Variants in FHIT observed in about 807,000 individuals in gnomAD.
FHIT encodes bis(5'-adenosyl)-triphosphatase.
In FHIT, 19 loss-of-function variants were observed where a neutral mutation model predicts 17.9. The ratio of observed to expected loss-of-function variants is 1.06; its 90% confidence interval spans 0.74 to 1.56. The LOEUF (loss-of-function observed/expected upper bound fraction) is 1.56, where lower values mean the gene tolerates loss of function less well. Among genes scored for constraint, FHIT ranks in the 40% most tolerant of loss-of-function variants. The probability of loss-of-function intolerance (pLI) is 0.00; values close to 1 mark genes in which losing one functional copy is unlikely to be tolerated. For synonymous variants in FHIT, 81 were observed against 69.7 expected (o/e 1.16, Z -0.81); for missense variants, 248 against 189.2 (o/e 1.31, Z -1.82).
chr3:60,323,468 A>C (rs924135530), intron 5 of FHIT, among the ~76,000 whole-genome samples: 3 of 152,206 alleles, frequency 2.0e-5, no homozygotes, highest in Admixed American at 6.5e-5. Context: ...CAGAACATGG[A>C]AAATGAAGCC....
intron 5 of FHIT, among the ~76,000 whole-genome samples, chr3:60,084,395 A>C (rs1403053720): frequency 6.6e-6 from 1 of 152,066 alleles, no homozygotes; most frequent in Non-Finnish European, 1.5e-5. Flanking sequence ...TCAAGCAATC[A>C]CTCATTCGTT....
chr3:60,599,201 T>C (rs193268432), intron 4 of FHIT, among the ~76,000 whole-genome samples: 179 of 152,182 alleles, frequency 1.2e-3, no homozygotes, highest in Admixed American at 0.01. Flanking sequence ...ATAACTTGCA[T>C]TGTCTATAAT....
At chr3:60,278,824 C>G (rs11130762) in intron 5 of FHIT, among the ~76,000 whole-genome samples, 40,164 of 151,846 alleles carry the variant, frequency 0.26, 5,997 homozygotes, top group East Asian at 0.67. Context: ...AAACTTTAAA[C>G]TATTTTAAAC....
At chr3:60,798,189 C>T (rs775016782) in intron 4 of FHIT, among the ~76,000 whole-genome samples, 1 of 151,916 alleles carries the variant, frequency 6.6e-6, no homozygotes, top group African/African-American at 2.4e-5. Flanking sequence ...TTGCAGATCC[C>T]TGTATTAGAT....
chr3:60,981,590 C>A (rs1049261438), intron 3 of FHIT, among the ~76,000 whole-genome samples: 1 of 152,046 alleles, frequency 6.6e-6, no homozygotes, highest in Non-Finnish European at 1.5e-5. Context: ...GGATTACAGG[C>A]GTAAGCCACG....
At chr3:61,010,747 T>C (rs2031742483) in intron 3 of FHIT, among the ~76,000 whole-genome samples, 1 of 152,230 alleles carries the variant, frequency 6.6e-6, no homozygotes, top group Non-Finnish European at 1.5e-5. Context: ...CCAGCTAAAC[T>C]GCACACAAAA....
At chr3:60,172,342 T>C (rs1007718567) in intron 5 of FHIT, among the ~76,000 whole-genome samples, 3 of 152,168 alleles carry the variant, frequency 2.0e-5, no homozygotes, top group Non-Finnish European at 2.9e-5. Flanking sequence ...CTCAGCTCAC[T>C]GCAACCTCCA....
At chr3:60,827,876 G>A (rs951862101) in intron 3 of FHIT, among the ~76,000 whole-genome samples, 1 of 152,200 alleles carries the variant, frequency 6.6e-6, no homozygotes, top group Non-Finnish European at 1.5e-5. Flanking sequence ...GGGGACTGTT[G>A]CTATTTTGGG....
chr3:60,348,580 C>T (rs1710915147), intron 5 of FHIT, among the ~76,000 whole-genome samples: 1 of 152,130 alleles, frequency 6.6e-6, no homozygotes. Flanking sequence ...AGGTAAGACA[C>T]ACACATGTGT....
intron 7 of FHIT, among the ~76,000 whole-genome samples, chr3:59,928,565 A>T (rs1705787549): frequency 6.6e-6 from 1 of 152,268 alleles, no homozygotes; most frequent in African/African-American, 2.4e-5. Context: ...AAAAATCCTA[A>T]GTAAAATGGG....
chr3:60,040,270 C>T (rs11720431), intron 5 of FHIT, among the ~76,000 whole-genome samples: 51,503 of 151,822 alleles, frequency 0.34, 10,144 homozygotes, highest in Middle Eastern at 0.55. Flanking sequence ...TTCAGCCTCC[C>T]GAGTAGCTGG....
At chr3:60,418,841 T>C (rs1417373683) in intron 5 of FHIT, among the ~76,000 whole-genome samples, 1 of 152,046 alleles carries the variant, frequency 6.6e-6, no homozygotes, top group East Asian at 1.9e-4. Flanking sequence ...CTGCTGAACA[T>C]TAGATAGCAT....
intron 4 of FHIT, among the ~76,000 whole-genome samples, chr3:60,672,613 C>G (rs1317487862): frequency 6.6e-6 from 1 of 152,162 alleles, no homozygotes; most frequent in African/African-American, 2.4e-5. Flanking sequence ...GTGCAAGTCA[C>G]AGGGGATGCG....
At chr3:59,874,895 C>G (rs778768502) in intron 8 of FHIT, among the ~76,000 whole-genome samples, 20 of 152,184 alleles carry the variant, frequency 1.3e-4, no homozygotes, top group Non-Finnish European at 7.4e-5. Context: ...CAATCACTCT[C>G]CAAATCCCCA....
chr3:60,573,365 AG>A (rs1421124148), intron 4 of FHIT, among the ~76,000 whole-genome samples: 3 of 152,170 alleles, frequency 2.0e-5, no homozygotes, highest in Non-Finnish European at 4.4e-5. Context: ...TCTGCTAAAA[AG>A]TAGATGCTTT....
At chr3:60,373,200 A>G (rs1700407292) in intron 5 of FHIT, among the ~76,000 whole-genome samples, 1 of 152,130 alleles carries the variant, frequency 6.6e-6, no homozygotes, top group Admixed American at 6.6e-5. Context: ...TCTGATTGTA[A>G]TTGTGATAAA....
intron 4 of FHIT, among the ~76,000 whole-genome samples, chr3:60,588,594 C>G (rs797037095): frequency 7.2e-5 from 11 of 152,134 alleles, no homozygotes; most frequent in African/African-American, 2.4e-4. Context: ...TTCAGAACCT[C>G]TGGGGTGGGA....
intron 5 of FHIT, among the ~76,000 whole-genome samples, chr3:60,360,298 C>T (rs954558808): frequency 4.6e-5 from 7 of 151,714 alleles, no homozygotes; most frequent in Non-Finnish European, 5.9e-5. Context: ...CCAGAAGGTA[C>T]AAATTTGCTG....
At chr3:60,149,758 A>G (rs1700380093) in intron 5 of FHIT, among the ~76,000 whole-genome samples, 1 of 151,986 alleles carries the variant, frequency 6.6e-6, no homozygotes, top group East Asian at 1.9e-4. Context: ...GCTAAGAGGC[A>G]CATCTTACTC....
Sources: allele counts gnomAD v4.1 joint callset (sites outside exome capture counted in the v4.1 genomes callset), GRCh38; gene constraint gnomAD v4.1.1; transcripts MANE v1.5; gene names NCBI Gene and HGNC (gene_info 2026-07-23, HGNC 2026-07-21).